Variants in RPS15A observed in about 807,000 individuals in gnomAD.
The protein encoded by RPS15A is ribosomal protein S15a.
For synonymous variants in RPS15A, 55 were observed against 58.5 expected (o/e 0.94, Z 0.27); for missense variants, 62 against 163.4 (o/e 0.38, Z 3.38).
chr16:18,788,753 A>G (rs2029952448), intron 2 of RPS15A: 3 of 479,928 alleles, frequency 6.3e-6, no homozygotes, highest in African/African-American at 6.0e-5. Context: ...TCAATGACTT[A>G]GATTCATTTA....
rs1178580988 is a variant in RPS15A, at chr16:18,782,339, C to T, written c.*670G>A. 1.5e-5 allele frequency: 2 copies of T among 136,400 alleles called. No individual in the cohort carries two copies. The highest frequency in any genetic ancestry group is 3.2e-5 in the Non-Finnish European group (2 of 63,068). 8.4% of individuals were successfully genotyped at this position (136,400 alleles called of 1,614,324 possible). ...AAAAATTCCTAGCAAGTATTTATTA[C>T]AGCAGTCAGTGACAAAAGCCAGATC... On this transcript the variant is annotated 3_prime_UTR_variant, in exon 5 of 5. Coordinates refer to ENST00000322989, the MANE Select transcript of RPS15A (RefSeq NM_001019.5).
rs965858190 is a variant in RPS15A at position 18,788,910 on chromosome 16, T to G, written c.133+71A>C. Reference sequence around the variant, plus strand: ...ACAGACATACTTTGGTCCCCCATAATTAATTTCTACAGGACTGATTTCTTA... The same window carrying G: ...ACAGACATACTTTGGTCCCCCATAAGTAATTTCTACAGGACTGATTTCTTA... On this transcript the variant is annotated intron_variant, in intron 2 of 4. Transcript: ENST00000322989. 1.5e-4 allele frequency: 233 copies of G among 1,512,856 alleles called. 1 individual carries two copies. The highest frequency in any genetic ancestry group is 9.6e-4 in the South Asian group (77 of 80,304). The allele number at this position is 1,512,856 out of a possible 1,614,324, so 93.7% of individuals were successfully genotyped here.
At chr16:18,789,733 A>G (rs2029985227) in intron 1 of RPS15A, among the ~76,000 whole-genome samples, 1 of 152,262 alleles carries the variant, frequency 6.6e-6, no homozygotes, top group South Asian at 2.1e-4. Context: ...CTAATGGGCA[A>G]GAACCGCACA....
At chr16:18,787,148 C>A (rs1432657051) in intron 3 of RPS15A, among the ~76,000 whole-genome samples, 1 of 152,190 alleles carries the variant, frequency 6.6e-6, no homozygotes, top group Non-Finnish European at 1.5e-5. Flanking sequence ...CAGGCGTGAC[C>A]CACTGTGCCC....
chr16:18,783,139 T>C (rs757584760), intron 4 of RPS15A, 37 bp from the exon 5 acceptor site: 35 of 1,297,042 alleles, frequency 2.7e-5, no homozygotes, highest in African/African-American at 2.2e-4. Context: ...GTAAGTTTAA[T>C]AGTTCAACAT....
At chr16:18,783,615 A>T (rs1330651471) in intron 4 of RPS15A, 1 of 454,970 alleles carries the variant, frequency 2.2e-6, no homozygotes, top group East Asian at 6.9e-5. Context: ...TTACAAAGAG[A>T]AATGATTTTG....
At chr16:18,783,567 T>G (rs926794142) in intron 4 of RPS15A, 4 of 438,496 alleles carry the variant, frequency 9.1e-6, no homozygotes, top group African/African-American at 8.1e-5. Context: ...AACAAGCATA[T>G]AGTATGCAAA....
chr16:18,784,847 A>C, intron 3 of RPS15A, 24 bp from the exon 4 acceptor site: 4 of 1,539,584 alleles, frequency 2.6e-6, no homozygotes, highest in Non-Finnish European at 2.7e-6. Flanking sequence ...ACAACAACAA[A>C]AACATTCTTC....
At chr16:18,783,686 C>A (rs1391407187) in intron 4 of RPS15A, 1 of 455,992 alleles carries the variant, frequency 2.2e-6, no homozygotes, top group Admixed American at 2.3e-5. Flanking sequence ...AACCAAGGCA[C>A]CAGACGCATA....
intron 1 of RPS15A, 85 bp from the exon 2 acceptor site, chr16:18,789,203 T>C: frequency 7.3e-7 from 1 of 1,370,064 alleles, no homozygotes; most frequent in Non-Finnish European, 9.9e-7. Context: ...AAGTATCCTT[T>C]CCTTTCTGGC....
intron 4 of RPS15A, chr16:18,783,998 G>T (rs576485121): frequency 4.7e-6 from 1 of 214,766 alleles, no homozygotes; most frequent in Non-Finnish European, 9.6e-6. Flanking sequence ...TGAGCCAAAA[G>T]GGCAGACATG....
chr16:18,788,949 G>A, intron 2 of RPS15A, 32 bp downstream of exon 2: 1 of 1,597,596 alleles, frequency 6.3e-7, no homozygotes, highest in Non-Finnish European at 8.5e-7. Flanking sequence ...AGTCTCACAT[G>A]AAAACATAAA....
At chr16:18,788,725 A>T in intron 2 of RPS15A, 2 of 388,202 alleles carry the variant, frequency 5.2e-6, no homozygotes, top group Non-Finnish European at 9.5e-6. Flanking sequence ...TGGTCTCGAA[A>T]TGAGCTCAGG....
Position 18,788,047 on chromosome 16 carries a change from G to C in RPS15A, c.213+16C>G. ...AATTCTTAAAGCTTTGAAATGTGTA[G>C]ATCACTCGTTCTTACCTTGTTTAGC... On this transcript the variant is annotated intron_variant, in intron 3 of 4. Coordinates refer to ENST00000322989, the MANE Select transcript of RPS15A (RefSeq NM_001019.5). 6.5e-7 allele frequency: 1 copy of C among 1,530,002 alleles called. No homozygotes were observed. Among genetic ancestry groups the C allele is most frequent in the Non-Finnish European group, 9.1e-7 (1 of 1,103,708 alleles). 94.8% of individuals were successfully genotyped at this position (1,530,002 alleles called of 1,614,324 possible).
At chr16:18,788,656 T>G in intron 2 of RPS15A, 1 of 223,068 alleles carries the variant, frequency 4.5e-6, no homozygotes, top group Non-Finnish European at 8.9e-6. Flanking sequence ...GACCGGCTGA[T>G]TTTTGTTTTT....
Position 18,788,151 on chromosome 16 carries a change from G to A in RPS15A, c.134-9C>T. On this transcript the variant is annotated splice_polypyrimidine_tract_variant and intron_variant, in intron 2 of 4. Coordinates refer to ENST00000322989, the MANE Select transcript of RPS15A (RefSeq NM_001019.5). ...AAATTCGCCAATGTAACCTACAAAA[G>A]ATAACTGACTGGATTAAATAAAAGA... 6 of 1,569,474 alleles carry A rather than the reference G, an allele frequency of 3.8e-6. No individual in the cohort carries two copies. Among genetic ancestry groups the A allele is most frequent in the Middle Eastern group, 3.3e-4 (2 of 5,976 alleles).
At chr16:18,784,672 T>G in intron 4 of RPS15A, 66 bp downstream of exon 4, 1 of 1,246,504 alleles carries the variant, frequency 8.0e-7, no homozygotes, top group Admixed American at 2.2e-5. Context: ...AAAAAACCCT[T>G]AAGTCAAACT....
At chr16:18,783,782 A>G (rs1904002288) in intron 4 of RPS15A, 1 of 447,856 alleles carries the variant, frequency 2.2e-6, no homozygotes, top group African/African-American at 2.0e-5. Context: ...AAATCAGGTG[A>G]TAAACAGAGG....
In RPS15A at chr16:18,782,645, C is replaced by G. The variant is rs1903983022; in HGVS notation, c.*364G>C. On this transcript the variant is annotated 3_prime_UTR_variant, in exon 5 of 5. Transcript: ENST00000322989. ...GCTGAGACAGGACAATCACTTGAAC[C>G]CGGGAGGTGGAGGTTGCAGTGGGCC... is the stretch of plus-strand genomic sequence containing the variant. The G allele has an allele frequency of 6.2e-6, 1 of 160,424 alleles. No homozygotes were observed. Among genetic ancestry groups the G allele is most frequent in the Non-Finnish European group, 1.4e-5 (1 of 73,214 alleles). The allele number at this position is 160,424 out of a possible 1,614,324, so 9.9% of individuals were successfully genotyped here. A position where few individuals can be genotyped will look rare whatever the true frequency, so the allele number is the denominator to read the frequency against.
Sources: gnomAD v4.1 joint callset for allele counts (sites outside exome capture counted in the v4.1 genomes callset) on GRCh38, gnomAD v4.1.1 for gene constraint, MANE v1.5 for transcripts, NCBI Gene and HGNC (gene_info 2026-07-23, HGNC 2026-07-21) for gene names.